DPP6: variants seen among roughly 807,000 people sequenced by gnomAD.
DPP6 encodes the protein A-type potassium channel modulatory protein DPP6.
DPP6 carries 69 observed loss-of-function variants against 122.6 expected under a neutral mutation model. The observed-to-expected ratio is 0.56, with a 90% confidence interval of 0.46 to 0.69. The LOEUF (loss-of-function observed/expected upper bound fraction) is 0.69. Among genes scored for constraint, DPP6 ranks in the 30% least tolerant of loss-of-function variants. The probability of loss-of-function intolerance (pLI) is 0.00; values close to 1 mark genes in which losing one functional copy is unlikely to be tolerated. For synonymous variants in DPP6, 418 were observed against 433.1 expected (o/e 0.97, Z 0.43); for missense variants, 928 against 1,116.9 (o/e 0.83, Z 2.41).
chr7:154,884,508 C>G (rs1263985858), intron 21 of DPP6: 1 of 152,018 alleles, frequency 6.6e-6, no homozygotes, highest in Non-Finnish European at 1.5e-5. Flanking sequence ...ATTACATACA[C>G]ATGCTCACAC....
intron 5 of DPP6, among the ~76,000 whole-genome samples, chr7:154,595,923 T>C (rs1041719345): frequency 1.3e-5 from 2 of 152,148 alleles, no homozygotes; most frequent in Admixed American, 6.5e-5. Flanking sequence ...TAGCCAGGCA[T>C]GGTGGCAGGC....
At chr7:154,326,001 T>A (rs1808416679) in intron 1 of DPP6, among the ~76,000 whole-genome samples, 1 of 152,228 alleles carries the variant, frequency 6.6e-6, no homozygotes, top group Non-Finnish European at 1.5e-5. Context: ...TTATTTTTCA[T>A]GCATAAAGCC....
intron 1 of DPP6, among the ~76,000 whole-genome samples, chr7:154,433,650 C>A (rs760222235): frequency 1.3e-5 from 2 of 152,188 alleles, no homozygotes; most frequent in Non-Finnish European, 2.9e-5. Flanking sequence ...ATTTCAAACA[C>A]TCCTCATAAT....
intron 7 of DPP6, among the ~76,000 whole-genome samples, chr7:154,679,686 T>G (rs1839165191): frequency 6.6e-6 from 1 of 152,194 alleles, no homozygotes; most frequent in South Asian, 2.1e-4. Flanking sequence ...AAGACCAGAC[T>G]AAAGTGACAT....
chr7:154,173,680 CG>C (rs1797651304), intron 1 of DPP6, among the ~76,000 whole-genome samples: 1 of 152,174 alleles, frequency 6.6e-6, no homozygotes, highest in African/African-American at 2.4e-5. Flanking sequence ...CTCCTCTGGA[CG>C]TCAGCTGCCA....
At chr7:153,773,495 C>A in the DPP6 span, among the ~76,000 whole-genome samples, 1 of 151,178 alleles carries the variant, frequency 6.6e-6, no homozygotes. Flanking sequence ...TCTGAAAGAA[C>A]AGAAAGCACA....
intron 3 of DPP6, among the ~76,000 whole-genome samples, chr7:154,518,606 A>G (rs1051602419): frequency 5.9e-5 from 9 of 152,168 alleles, no homozygotes; most frequent in Non-Finnish European, 1.2e-4. Context: ...GACTGTAGCC[A>G]TACTTGATCT....
At chr7:153,819,568 C>T in the DPP6 span, among the ~76,000 whole-genome samples, 4 of 152,222 alleles carry the variant, frequency 2.6e-5, no homozygotes, top group African/African-American at 9.6e-5. Context: ...ACAGACACCA[C>T]ACAGTACAGG....
At chr7:154,623,247 T>G (rs1462537112) in intron 5 of DPP6, among the ~76,000 whole-genome samples, 1 of 152,186 alleles carries the variant, frequency 6.6e-6, no homozygotes, top group African/African-American at 2.4e-5. Context: ...CTGTTGCCGG[T>G]GCGTTGCACT....
chr7:153,890,523 A>G (rs1245746889), intron 1 of DPP6, among the ~76,000 whole-genome samples: 3 of 152,132 alleles, frequency 2.0e-5, no homozygotes, highest in African/African-American at 7.2e-5. Context: ...TTCTTATAAA[A>G]TCTTTAAAAA....
At chr7:154,099,846 G>A in intron 1 of DPP6, among the ~76,000 whole-genome samples, 1 of 134,834 alleles carries the variant, frequency 7.4e-6, no homozygotes, top group Admixed American at 7.4e-5. Flanking sequence ...AGAAGCTATT[G>A]CAGTAATCGA....
chr7:154,002,075 A>G (rs1056927912), intron 1 of DPP6, among the ~76,000 whole-genome samples: 5 of 152,332 alleles, frequency 3.3e-5, no homozygotes, highest in East Asian at 3.9e-4. Flanking sequence ...CCCTTTTTGT[A>G]TATTCCTGAG....
At chr7:153,973,884 A>G (rs1422918525) in intron 1 of DPP6, among the ~76,000 whole-genome samples, 2 of 149,892 alleles carry the variant, frequency 1.3e-5, no homozygotes, top group East Asian at 1.9e-4. Context: ...CTTAATCTAC[A>G]TCTGGTTTTA....
At chr7:153,952,729 G>A (rs1159277897) in intron 1 of DPP6, among the ~76,000 whole-genome samples, 3 of 152,122 alleles carry the variant, frequency 2.0e-5, no homozygotes, top group Non-Finnish European at 2.9e-5. Flanking sequence ...TAGTTCATAA[G>A]TCTCAGCTAA....
chr7:154,806,870 C>G (rs561769687), intron 15 of DPP6, 124 bp from the exon 16 acceptor site: 1 of 1,311,550 alleles, frequency 7.6e-7, no homozygotes, highest in Non-Finnish European at 1.0e-6. Context: ...GGGAGAGGCC[C>G]GGGGGGTCTG....
the DPP6 span, among the ~76,000 whole-genome samples, chr7:153,791,406 T>G: frequency 9.0e-5 from 8 of 89,158 alleles, no homozygotes; most frequent in Admixed American, 4.1e-4. Context: ...CTTCCTGCCT[T>G]CCTTCCTTCC....
chr7:154,736,635 G>A (rs1165416785), intron 8 of DPP6, among the ~76,000 whole-genome samples: 1 of 152,132 alleles, frequency 6.6e-6, no homozygotes. Context: ...AATTCTTCCA[G>A]CTCTTGTCGT....
chr7:154,458,364 C>A (rs1450368067), intron 2 of DPP6, among the ~76,000 whole-genome samples: 1 of 152,178 alleles, frequency 6.6e-6, no homozygotes, highest in Non-Finnish European at 1.5e-5. Flanking sequence ...CCTCCTTTGC[C>A]TTCCACCATG....
At chr7:154,558,560 G>A (rs990932286) in intron 4 of DPP6, among the ~76,000 whole-genome samples, 1 of 152,146 alleles carries the variant, frequency 6.6e-6, no homozygotes, top group African/African-American at 2.4e-5. Context: ...TATTTTTATT[G>A]TATCTTTTTT....
Sources: allele counts gnomAD v4.1 joint callset (sites outside exome capture counted in the v4.1 genomes callset), GRCh38; gene constraint gnomAD v4.1.1; transcripts MANE v1.5; gene names NCBI Gene and HGNC (gene_info 2026-07-23, HGNC 2026-07-21).